The following IMMP2L variants were observed in gnomAD, a reference collection of about 807,000 sequenced individuals.
IMMP2L encodes the protein inner mitochondrial membrane peptidase subunit 2.
IMMP2L carries 18 observed loss-of-function variants against 19.3 expected under a neutral mutation model. That is an observed-to-expected ratio of 0.93 (90% confidence interval 0.64 to 1.38). IMMP2L has a LOEUF of 1.38. Among genes scored for constraint, IMMP2L ranks in the 40% most tolerant of loss-of-function variants. The pLI is 0.00. For missense variants in IMMP2L, 233 were observed against 218.2 expected, an observed-to-expected ratio of 1.07 and a Z score of -0.43; for synonymous variants, 76 against 73.0, an observed-to-expected ratio of 1.04 and a Z score of -0.21.
At chr7:110,944,654 T>C (rs554666066) in intron 4 of IMMP2L, among the ~76,000 whole-genome samples, 7 of 152,100 alleles carry the variant, frequency 4.6e-5, no homozygotes, top group African/African-American at 1.7e-4. Context: ...GTTACCAGTT[T>C]AGATTACAAA....
At chr7:111,442,386 C>T (rs1837834294) in intron 3 of IMMP2L, among the ~76,000 whole-genome samples, 1 of 151,800 alleles carries the variant, frequency 6.6e-6, no homozygotes. Flanking sequence ...TTGGAAGTAG[C>T]TATAGAGACA....
chr7:111,285,888 G>A (rs1267748480), intron 3 of IMMP2L, among the ~76,000 whole-genome samples: 1 of 152,130 alleles, frequency 6.6e-6, no homozygotes, highest in Non-Finnish European at 1.5e-5. Flanking sequence ...ACTTCTGCAT[G>A]ATAAAGAATG....
At chr7:110,697,582 T>C (rs938801715) in intron 5 of IMMP2L, among the ~76,000 whole-genome samples, 5 of 152,122 alleles carry the variant, frequency 3.3e-5, no homozygotes, top group Non-Finnish European at 7.4e-5. Flanking sequence ...GGTGGGAGGA[T>C]TACTTGAGCC....
chr7:111,250,578 A>T (rs1188989086), intron 3 of IMMP2L, among the ~76,000 whole-genome samples: 1 of 152,160 alleles, frequency 6.6e-6, no homozygotes, highest in East Asian at 1.9e-4. Context: ...GGAACAGAAT[A>T]GGGAACTCAC....
At chr7:111,226,634 G>A (rs214474) in intron 3 of IMMP2L, among the ~76,000 whole-genome samples, 149,180 of 152,186 alleles carry the variant, frequency 0.98, 73,150 homozygotes, top group African/African-American at 0.99. Flanking sequence ...CAGTAATGGG[G>A]GAGACAATGT....
chr7:111,119,254 C>T (rs1162848033), intron 3 of IMMP2L, among the ~76,000 whole-genome samples: 2 of 152,144 alleles, frequency 1.3e-5, no homozygotes, highest in South Asian at 2.1e-4. Flanking sequence ...TCTGGACATA[C>T]AGGGGCAATA....
Position 110,887,867 on chromosome 7 carries a change from G to T in IMMP2L, c.306-1172C>A, listed in dbSNP as rs10953669. 9.7e-4 allele frequency among the ~76,000 whole-genome samples: 147 copies of T among 152,088 alleles called. 1 individual carries two copies. The highest frequency in any genetic ancestry group is 3.4e-3 in the African/African-American group (140 of 41,520). On this transcript the variant is annotated intron_variant, in intron 4 of 5. Transcript: ENST00000405709. Reference sequence around the variant, plus strand: ...ATCACCTCCAAGGCTGCAGAGTTCAGAAATTGAGCTTGGCATACATACTGT... The same window carrying T: ...ATCACCTCCAAGGCTGCAGAGTTCATAAATTGAGCTTGGCATACATACTGT...
At chr7:111,418,521 T>G (rs556645592) in intron 3 of IMMP2L, among the ~76,000 whole-genome samples, 9 of 151,806 alleles carry the variant, frequency 5.9e-5, no homozygotes, top group Non-Finnish European at 1.0e-4. Context: ...CAGCCTTCGG[T>G]ACAAAAAGCT....
chr7:111,192,563 G>T (rs1480213582), intron 3 of IMMP2L, among the ~76,000 whole-genome samples: 1 of 152,002 alleles, frequency 6.6e-6, no homozygotes, highest in African/African-American at 2.4e-5. Flanking sequence ...TTGAAAGATA[G>T]CAATCTCAAT....
At chr7:111,558,942 A>G (rs1791695583) in intron 1 of IMMP2L, among the ~76,000 whole-genome samples, 1 of 152,192 alleles carries the variant, frequency 6.6e-6, no homozygotes, top group Non-Finnish European at 1.5e-5. Flanking sequence ...GCTTCCACAA[A>G]AAATACAAAA....
At chr7:110,806,347 T>C (rs527373757) in intron 5 of IMMP2L, among the ~76,000 whole-genome samples, 119 of 152,112 alleles carry the variant, frequency 7.8e-4, no homozygotes, top group Non-Finnish European at 1.4e-3. Context: ...GGCATCCATT[T>C]AACTCATGGA....
intron 4 of IMMP2L, among the ~76,000 whole-genome samples, chr7:110,954,736 A>G (rs1354079717): frequency 6.6e-6 from 1 of 152,122 alleles, no homozygotes; most frequent in Non-Finnish European, 1.5e-5. Context: ...CATCACACCA[A>G]ATAAATAACT....
chr7:111,362,092 A>C (rs1349465104), intron 3 of IMMP2L, among the ~76,000 whole-genome samples: 1 of 152,062 alleles, frequency 6.6e-6, no homozygotes, highest in Non-Finnish European at 1.5e-5. Context: ...TAAGAGTACC[A>C]AAGAAATCTA....
intron 5 of IMMP2L, among the ~76,000 whole-genome samples, chr7:110,866,529 C>T (rs544041548): frequency 2.0e-5 from 3 of 152,074 alleles, no homozygotes; most frequent in South Asian, 2.1e-4. Flanking sequence ...CTTGGTAGCA[C>T]ATCAGGGCCC....
chr7:111,332,521 T>A (rs1040879854), intron 3 of IMMP2L, among the ~76,000 whole-genome samples: 1 of 151,994 alleles, frequency 6.6e-6, no homozygotes, highest in African/African-American at 2.4e-5. Flanking sequence ...ATATAGTACC[T>A]TTTTGTAAAA....
chr7:111,437,818 G>A lies in IMMP2L; in HGVS notation c.239+49420C>T, dbSNP rs927237020. 5.9e-5 allele frequency among the ~76,000 whole-genome samples: 9 copies of A among 151,702 alleles called. 1 individual carries two copies. Among genetic ancestry groups the A allele is most frequent in the African/African-American group, 2.2e-4 (9 of 41,084 alleles). ...AGAGTCACTACATACAAATGTGTAG[G>A]TTTTACACATGTGAATATCATTACA... On this transcript the variant is annotated intron_variant, in intron 3 of 5. Transcript: ENST00000405709.
intron 5 of IMMP2L, among the ~76,000 whole-genome samples, chr7:110,884,101 A>G (rs1010630611): frequency 2.6e-5 from 4 of 152,094 alleles, no homozygotes; most frequent in African/African-American, 9.6e-5. Flanking sequence ...TCACAGTTAT[A>G]TATACATACA....
chr7:111,144,086 A>G (rs540547530), intron 3 of IMMP2L, among the ~76,000 whole-genome samples: 3 of 152,304 alleles, frequency 2.0e-5, no homozygotes, highest in Admixed American at 6.5e-5. Context: ...CAAACCCATC[A>G]TGTTGTGACA....
rs1259014828 is a variant in IMMP2L, at chr7:110,803,865, G to A, written c.408+82728C>T. 6.6e-6 allele frequency among the ~76,000 whole-genome samples: 1 copy of A among 152,012 alleles called. No individual in the cohort carries two copies. The highest frequency in any genetic ancestry group is 1.5e-5 in the Non-Finnish European group (1 of 67,982). ...ACTTGTTAGACATGCAAATTATCTT[G>A]CCCCACCTAAGACCTGGTGAATTAC... On this transcript the variant is annotated intron_variant, in intron 5 of 5. Coordinates refer to ENST00000405709, the MANE Select transcript of IMMP2L (RefSeq NM_032549.4). The surrounding 1 kb of genome is among the most constrained non-coding windows in gnomAD (Gnocchi z 4.2).
Sources: allele counts gnomAD v4.1 joint callset (sites outside exome capture counted in the v4.1 genomes callset), GRCh38; gene constraint gnomAD v4.1.1; non-coding constraint Gnocchi (gnomAD v3.1); transcripts MANE v1.5; gene names NCBI Gene and HGNC (gene_info 2026-07-23, HGNC 2026-07-21).